The following TOP6BL variants were observed in gnomAD, a reference collection of about 807,000 sequenced individuals.
The protein encoded by TOP6BL is TOP6B like initiator of meiotic double strand breaks, also known as type 2 DNA topoisomerase 6 subunit B-like.
the TOP6BL span, among the ~76,000 whole-genome samples, chr11:66,789,977 T>G: frequency 2.6e-5 from 4 of 152,160 alleles, no homozygotes; most frequent in Non-Finnish European, 5.9e-5. Context: ...TCTTAAGATA[T>G]GTTACTTGAT....
At chr11:66,830,587 T>G in the TOP6BL span, among the ~76,000 whole-genome samples, 1 of 151,828 alleles carries the variant, frequency 6.6e-6, no homozygotes, top group Non-Finnish European at 1.5e-5. Flanking sequence ...TGGAGAAAAA[T>G]CAATGAAACT....
the TOP6BL span, among the ~76,000 whole-genome samples, chr11:66,777,832 A>G: frequency 4.0e-3 from 614 of 152,196 alleles, 3 homozygotes; most frequent in African/African-American, 0.014. Flanking sequence ...AGATCACACC[A>G]CTGCACTCCA....
the TOP6BL span, among the ~76,000 whole-genome samples, chr11:66,753,671 G>T: frequency 2.0e-5 from 3 of 151,894 alleles, no homozygotes; most frequent in South Asian, 2.1e-4. Context: ...CTCCCAAAGT[G>T]CTGGCATTAC....
the TOP6BL span, chr11:66,748,391 TTAA>T: frequency 2.0e-6 from 3 of 1,535,462 alleles, no homozygotes; most frequent in South Asian, 1.2e-5. Flanking sequence ...TTTGAGATTT[TTAA>T]TAATTCACTG....
At chr11:66,755,141 A>G in the TOP6BL span, among the ~76,000 whole-genome samples, 1 of 138,468 alleles carries the variant, frequency 7.2e-6, no homozygotes, top group East Asian at 2.1e-4. Context: ...TTTTTTTGAT[A>G]TAGAGTCTCA....
the TOP6BL span, among the ~76,000 whole-genome samples, chr11:66,794,931 G>A: frequency 3.3e-5 from 5 of 152,026 alleles, no homozygotes; most frequent in African/African-American, 1.2e-4. Context: ...TGAGGAGTTC[G>A]AGACCAGCCT....
At chr11:66,751,249 T>G in the TOP6BL span, among the ~76,000 whole-genome samples, 2 of 152,138 alleles carry the variant, frequency 1.3e-5, no homozygotes, top group Admixed American at 1.3e-4. Flanking sequence ...TGGAGTGCAG[T>G]GGCGCCAGGA....
chr11:66,797,527 C>T, the TOP6BL span, among the ~76,000 whole-genome samples: 1 of 151,270 alleles, frequency 6.6e-6, no homozygotes, highest in Admixed American at 6.6e-5. Flanking sequence ...TTTCCTGAGA[C>T]AGGGTTTTGC....
the TOP6BL span, among the ~76,000 whole-genome samples, chr11:66,840,411 C>T: frequency 3.3e-5 from 5 of 152,204 alleles, no homozygotes; most frequent in Non-Finnish European, 5.9e-5. Context: ...ACAGTGGGAT[C>T]GTCCCTTCTG....
the TOP6BL span, chr11:66,822,668 C>T: frequency 2.6e-6 from 4 of 1,541,710 alleles, no homozygotes; most frequent in African/African-American, 4.1e-5. Context: ...GTCTCCAGAC[C>T]CTTCAAGTTA....
the TOP6BL span, among the ~76,000 whole-genome samples, chr11:66,773,597 T>C: frequency 6.6e-6 from 1 of 152,198 alleles, no homozygotes; most frequent in Non-Finnish European, 1.5e-5. Context: ...ATTTCATTCA[T>C]TTACACTCTG....
chr11:66,758,748 T>A, the TOP6BL span, among the ~76,000 whole-genome samples: 1 of 152,240 alleles, frequency 6.6e-6, no homozygotes, highest in Admixed American at 6.5e-5. Context: ...CATAATCTTT[T>A]TCTGTCAAGT....
chr11:66,767,685 G>A, the TOP6BL span, among the ~76,000 whole-genome samples: 1 of 152,110 alleles, frequency 6.6e-6, no homozygotes, highest in Non-Finnish European at 1.5e-5. Flanking sequence ...TTGTAAACAG[G>A]GAGGACTGCT....
At chr11:66,811,441 C>T in the TOP6BL span, among the ~76,000 whole-genome samples, 18 of 152,352 alleles carry the variant, frequency 1.2e-4, no homozygotes, top group African/African-American at 4.3e-4. Context: ...ATCCGCCTGC[C>T]TTGGCCTCCC....
At chr11:66,762,401 G>A in the TOP6BL span, 4 of 349,298 alleles carry the variant, frequency 1.1e-5, no homozygotes, top group Admixed American at 1.9e-4. Context: ...TGGCAGCATG[G>A]CGGAGAGGAC....
At chr11:66,761,626 C>A in the TOP6BL span, 6 of 1,215,128 alleles carry the variant, frequency 4.9e-6, no homozygotes, top group East Asian at 1.9e-4. Flanking sequence ...TAATGTACGC[C>A]TGGTGCTCCG....
chr11:66,812,845 C>T, the TOP6BL span, among the ~76,000 whole-genome samples: 1 of 152,078 alleles, frequency 6.6e-6, no homozygotes, highest in Non-Finnish European at 1.5e-5. Flanking sequence ...GTGCTACTGG[C>T]ATTTGGTGGC....
chr11:66,776,781 G>A, the TOP6BL span, among the ~76,000 whole-genome samples: 1 of 152,190 alleles, frequency 6.6e-6, no homozygotes, highest in African/African-American at 2.4e-5. Context: ...CAGGCACAGT[G>A]GCTTATGCTA....
chr11:66,833,352 A>AC, the TOP6BL span, among the ~76,000 whole-genome samples: 10 of 152,108 alleles, frequency 6.6e-5, no homozygotes, highest in South Asian at 2.1e-3. Context: ...TTTAGGGCCC[A>AC]CCCTAAATCC....
Sources: allele counts gnomAD v4.1 joint callset (sites outside exome capture counted in the v4.1 genomes callset), GRCh38; gene constraint gnomAD v4.1.1; transcripts MANE v1.5; gene names NCBI Gene and HGNC (gene_info 2026-07-23, HGNC 2026-07-21).